Variants in PRSS23 observed in about 807,000 individuals in gnomAD.
PRSS23 encodes the protein serine protease 23, also known as protease, serine 23.
In PRSS23, 25 loss-of-function variants were observed where a neutral mutation model predicts 34.7. The observed-to-expected ratio is 0.72, with a 90% CI of 0.53 to 1.01. PRSS23 has a LOEUF of 1.01. PRSS23 is among the 50% of genes least tolerant of loss of function. The pLI, the probability that PRSS23 is intolerant of heterozygous loss-of-function variation, is 0.00. For synonymous variants in PRSS23, 176 were observed against 186.6 expected (o/e 0.94, Z 0.46); for missense variants, 445 against 475.6 (o/e 0.94, Z 0.60).
At chr11:86,854,651 G>A (rs1211639716) in intron 2 of PRSS23, among the ~76,000 whole-genome samples, 1 of 152,136 alleles carries the variant, frequency 6.6e-6, no homozygotes, top group East Asian at 1.9e-4. Context: ...TTAGCTCTTG[G>A]GCGTAAGTCT....
chr11:86,849,489 C>T (rs889681113), intron 2 of PRSS23, among the ~76,000 whole-genome samples: 2 of 152,124 alleles, frequency 1.3e-5, no homozygotes, highest in Middle Eastern at 3.2e-3. Context: ...GCAAAGAATG[C>T]CCATCCAATT....
chr11:86,834,818 C>G (rs1239296883), intron 2 of PRSS23, among the ~76,000 whole-genome samples: 1 of 152,138 alleles, frequency 6.6e-6, no homozygotes, highest in East Asian at 1.9e-4. Flanking sequence ...TCTCCTAATT[C>G]TAGTGCCCGA....
At chr11:86,873,474 G>T (rs1362244674) in intron 2 of PRSS23, among the ~76,000 whole-genome samples, 1 of 151,488 alleles carries the variant, frequency 6.6e-6, no homozygotes, top group Non-Finnish European at 1.5e-5. Context: ...GTAGAGTCGG[G>T]GTTTTCCTAT....
intron 2 of PRSS23, chr11:86,911,005 T>G (rs922303306): frequency 1.3e-5 from 2 of 152,126 alleles, no homozygotes; most frequent in African/African-American, 4.8e-5. Context: ...ATTTTTATAA[T>G]AAGAAGTAAA....
In PRSS23 at chr11:86,925,610, T is replaced by C. The variant is rs79181700; in HGVS notation, c.207-25606T>C. ...GAAAGTATTCAGAATATTACAATAA[T>C]AACAACTGTCATTTACTGAGCACTC... On this transcript the variant is annotated intron_variant, in intron 2 of 2. Transcript: ENST00000533902. Among the ~76,000 whole-genome samples, 3 of 152,324 alleles carry C rather than the reference T, an allele frequency of 2.0e-5. No individual in the cohort carries two copies. The East Asian group carries it at 5.8e-4, about 29-fold the overall frequency.
intron 2 of PRSS23, among the ~76,000 whole-genome samples, chr11:86,925,849 G>A (rs867850944): frequency 5.3e-5 from 8 of 152,002 alleles, no homozygotes; most frequent in Admixed American, 1.3e-4. Context: ...CTTCAGTAAC[G>A]TTTTCATAGC....
chr11:86,842,842 C>A (rs184318521), intron 2 of PRSS23, among the ~76,000 whole-genome samples: 1 of 152,206 alleles, frequency 6.6e-6, no homozygotes, highest in South Asian at 2.1e-4. Flanking sequence ...AATGGCCATA[C>A]TGCCCAAGGT....
At chr11:86,846,291 A>G (rs1001887141) in intron 2 of PRSS23, among the ~76,000 whole-genome samples, 1 of 152,152 alleles carries the variant, frequency 6.6e-6, no homozygotes, top group African/African-American at 2.4e-5. Context: ...TCACACTGTG[A>G]GTACAATCAG....
chr11:86,821,061 G>T, intron 1 of PRSS23: 1 of 271,140 alleles, frequency 3.7e-6, no homozygotes, highest in Non-Finnish European at 6.9e-6. Context: ...ATGGATACAT[G>T]ATTGATGTGT....
chr11:86,916,675 C>T (rs1685432438), intron 2 of PRSS23, among the ~76,000 whole-genome samples: 2 of 152,132 alleles, frequency 1.3e-5, no homozygotes. Context: ...GTTGGACCCA[C>T]CCAGAGAAGA....
At chr11:86,853,337 C>T (rs184323903) in intron 2 of PRSS23, among the ~76,000 whole-genome samples, 11 of 145,876 alleles carry the variant, frequency 7.5e-5, no homozygotes, top group African/African-American at 2.5e-4. Flanking sequence ...TCACCGCAAC[C>T]TCCGCCTCCC....
chr11:86,898,985 ACT>A (rs1948893776), intron 2 of PRSS23, among the ~76,000 whole-genome samples: 1 of 152,056 alleles, frequency 6.6e-6, no homozygotes, highest in African/African-American at 2.4e-5. Flanking sequence ...CCAGGGCATC[ACT>A]CTACTTCCAG....
At chr11:86,800,913 C>T (rs1481590454) in intron 1 of PRSS23, among the ~76,000 whole-genome samples, 1 of 152,034 alleles carries the variant, frequency 6.6e-6, no homozygotes, top group Admixed American at 6.5e-5. Flanking sequence ...GAAGATCCTG[C>T]TGTCTTGGGT....
intron 2 of PRSS23, among the ~76,000 whole-genome samples, chr11:86,905,667 C>G (rs1393043060): frequency 6.6e-6 from 1 of 152,176 alleles, no homozygotes; most frequent in Non-Finnish European, 1.5e-5. Flanking sequence ...TTAACAAATA[C>G]CTTCACACTT....
At chr11:86,920,072 A>T (rs1202836053) in intron 2 of PRSS23, among the ~76,000 whole-genome samples, 1 of 152,206 alleles carries the variant, frequency 6.6e-6, no homozygotes, top group Non-Finnish European at 1.5e-5. Context: ...ATGTGAGGGT[A>T]TCAGCCCCAG....
At chr11:86,798,928 C>A (rs1948000127), upstream of PRSS23, among the ~76,000 whole-genome samples, 1 of 152,184 alleles carries the variant, frequency 6.6e-6, no homozygotes, top group Non-Finnish European at 1.5e-5. Context: ...CTCCTAAGTT[C>A]AAGCAATCTG....
intron 2 of PRSS23, among the ~76,000 whole-genome samples, chr11:86,895,615 G>A (rs961530154): frequency 6.6e-6 from 1 of 151,306 alleles, no homozygotes; most frequent in East Asian, 1.9e-4. Context: ...AAGTAGCTGG[G>A]ACCACAAGCA....
rs545033450 is a variant in PRSS23 at position 86,832,344 on chromosome 11, A to G, written c.206+8751A>G. 2.0e-5 allele frequency among the ~76,000 whole-genome samples: 3 copies of G among 152,256 alleles called. No homozygotes were observed. The South Asian group carries it at 6.2e-4, about 32-fold the overall frequency. ...AATATTTTAGGGAAATATGGCTTCT[A>G]ATATCACAGTGGGTGTACTCCATGT... On this transcript the variant is annotated intron_variant, in intron 2 of 2. Coordinates refer to the PRSS23 transcript ENST00000533902.
At chr11:86,950,859 C>T (rs574442380) in intron 2 of PRSS23, 27 of 489,416 alleles carry the variant, frequency 5.5e-5, no homozygotes, top group East Asian at 4.7e-4. Flanking sequence ...AGGACCTCCA[C>T]GCTCCAAGCT....
Sources: gnomAD v4.1 joint callset for allele counts (sites outside exome capture counted in the v4.1 genomes callset) on GRCh38, gnomAD v4.1.1 for gene constraint, MANE v1.5 for transcripts, NCBI Gene and HGNC (gene_info 2026-07-23, HGNC 2026-07-21) for gene names.